Variants in WASHC3 observed in about 807,000 individuals in gnomAD.
WASHC3 encodes WASH complex subunit 3.
Under a neutral mutation model 26.1 loss-of-function variants are expected in WASHC3, and 24 were observed. That is an observed-to-expected ratio of 0.92 (90% CI 0.66 to 1.29). The LOEUF (loss-of-function observed/expected upper bound fraction) is 1.29, where lower values mean the gene tolerates loss of function less well. WASHC3 is among the 50% of genes most tolerant of loss of function. The pLI is 0.00. For missense variants in WASHC3, 214 were observed against 229.6 expected (o/e 0.93, Z 0.44); for synonymous variants, 77 against 75.7 (o/e 1.02, Z -0.09).
At chr12:102,048,091 A>G (rs562630874) in intron 2 of WASHC3, among the ~76,000 whole-genome samples, 11 of 152,330 alleles carry the variant, frequency 7.2e-5, no homozygotes, top group Admixed American at 2.0e-4. Context: ...CTAACAAATG[A>G]TCAATTCGTT....
chr12:102,024,059 G>A (rs1013791139), intron 6 of WASHC3, among the ~76,000 whole-genome samples: 3 of 152,072 alleles, frequency 2.0e-5, no homozygotes, highest in Non-Finnish European at 4.4e-5. Flanking sequence ...GTTCCACAGA[G>A]AGAAAGGAAA....
At chr12:102,025,934 G>T in intron 6 of WASHC3, 40 bp downstream of exon 6, 8 of 965,618 alleles carry the variant, frequency 8.3e-6, no homozygotes, top group Non-Finnish European at 1.3e-5. Context: ...CAAATTCAAT[G>T]TCCTGGCAAT....
chr12:102,054,609 T>C (rs1878520025), intron 2 of WASHC3, among the ~76,000 whole-genome samples: 1 of 152,128 alleles, frequency 6.6e-6, no homozygotes, highest in South Asian at 2.1e-4. Flanking sequence ...AGCAACAGAA[T>C]ACACATTCTT....
At chr12:102,040,288 T>A (rs778214007) in intron 4 of WASHC3, 1 of 162,404 alleles carries the variant, frequency 6.2e-6, no homozygotes, top group Non-Finnish European at 1.3e-5. Context: ...ATGAATTATA[T>A]ATAGGTGGTG....
At position 102,046,095 on chromosome 12, in the gene WASHC3, T is replaced by G; in HGVS notation, c.175A>C (p.Ile59Leu). The change falls in exon 3 of 7, where the codon ATC (isoleucine) becomes CTC (leucine). Residue 59 changes from isoleucine to leucine, a missense_variant. Ile to Leu is a conservative substitution (Grantham distance 5). Coordinates refer to ENST00000240079, the MANE Select transcript of WASHC3 (RefSeq NM_016053.4). Reference sequence around the variant, plus strand: ...TTGAGAGTTGTTTCAATTTGTTGGATACGAAGTGAAAGGTCTGCCAGTTTC... The same window carrying G: ...TTGAGAGTTGTTTCAATTTGTTGGAGACGAAGTGAAAGGTCTGCCAGTTTC... ...EEKLADLSLR[I>L]QQIETTLNIL... is the part of the protein sequence containing the mutation. 2 of 1,597,904 alleles carry G rather than the reference T, an allele frequency of 1.3e-6. No individual in the cohort carries two copies. The highest frequency in any genetic ancestry group is 1.7e-6 in the Non-Finnish European group (2 of 1,169,566).
chr12:102,019,458 T>G, intron 6 of WASHC3: 1 of 284,068 alleles, frequency 3.5e-6, no homozygotes, highest in Non-Finnish European at 7.0e-6. Context: ...CTTCTCCCAA[T>G]TCAAAGAAAA....
rs184783207 is a variant in WASHC3, at chr12:102,024,713, T to C, written c.500+1261A>G. Among the ~76,000 whole-genome samples, 19 of 152,310 alleles carry C rather than the reference T, an allele frequency of 1.2e-4. No homozygotes were observed. In the East Asian group the frequency reaches 3.5e-3, roughly 28 times the overall value. On this transcript the variant is annotated intron_variant, in intron 6 of 6. Transcript: ENST00000240079. ...CATTTTAAAGGTAATTTTAGCTCTC[T>C]GTTATTATAGGAGGTCTAACTGTGT...
chr12:102,044,908 T>C (rs10860833), intron 3 of WASHC3, among the ~76,000 whole-genome samples: 2 of 152,030 alleles, frequency 1.3e-5, no homozygotes, highest in Non-Finnish European at 2.9e-5. Flanking sequence ...CATCCTGATA[T>C]CAATGACACG....
Position 102,056,174 on chromosome 12 carries a change from T to C in WASHC3, c.150+5074A>G, listed in dbSNP as rs185140002. 1.5e-4 allele frequency among the ~76,000 whole-genome samples: 23 copies of C among 152,150 alleles called. No individual in the cohort carries two copies. In the East Asian group the frequency reaches 3.9e-3, roughly 25 times the overall value. ...TATTTTTACAGTCTACTCTTAAATA[T>C]TACTGTTGAGGCATATATATGGCAA... On this transcript the variant is annotated intron_variant, in intron 2 of 6. Coordinates refer to ENST00000240079, the MANE Select transcript of WASHC3 (RefSeq NM_016053.4).
intron 2 of WASHC3, among the ~76,000 whole-genome samples, chr12:102,060,143 A>G (rs1338645891): frequency 6.6e-6 from 1 of 152,228 alleles, no homozygotes; most frequent in Non-Finnish European, 1.5e-5. Flanking sequence ...TACATAAGAC[A>G]GAATGTTCAA....
chr12:102,018,896 A>G (rs975782937), intron 6 of WASHC3, among the ~76,000 whole-genome samples: 4 of 152,078 alleles, frequency 2.6e-5, no homozygotes, highest in African/African-American at 9.7e-5. Flanking sequence ...TCCCAGGTTC[A>G]AGCAATTCTC....
intron 5 of WASHC3, among the ~76,000 whole-genome samples, chr12:102,031,800 A>G (rs1362040967): frequency 6.6e-6 from 1 of 152,190 alleles, no homozygotes; most frequent in African/African-American, 2.4e-5. Context: ...TAGTTAAAAA[A>G]CAATGAAAAA....
chr12:102,030,377 A>G (rs185817285), intron 5 of WASHC3, among the ~76,000 whole-genome samples: 2 of 151,956 alleles, frequency 1.3e-5, no homozygotes, highest in East Asian at 1.9e-4. Flanking sequence ...CAGATTAAAT[A>G]TTATATATAA....
At chr12:102,021,314 G>A (rs1876947163) in intron 6 of WASHC3, among the ~76,000 whole-genome samples, 1 of 152,102 alleles carries the variant, frequency 6.6e-6, no homozygotes, top group Non-Finnish European at 1.5e-5. Flanking sequence ...CTGCAACCAG[G>A]AAAACAATTT....
chr12:102,028,122 A>G (rs117572802), intron 5 of WASHC3, among the ~76,000 whole-genome samples: 4,583 of 152,282 alleles, frequency 0.03, 87 homozygotes, highest in Middle Eastern at 0.071. Flanking sequence ...ATGTGAACAG[A>G]TTCAAGTTTG....
chr12:102,019,341 A>T, intron 6 of WASHC3: 1 of 364,750 alleles, frequency 2.7e-6, no homozygotes. Flanking sequence ...TTGGCTCTGC[A>T]TATTATGATC....
intron 6 of WASHC3, among the ~76,000 whole-genome samples, chr12:102,021,303 C>T (rs1004923871): frequency 6.6e-6 from 1 of 152,084 alleles, no homozygotes; most frequent in Non-Finnish European, 1.5e-5. Context: ...TAGGTAGACT[C>T]CTGCAACCAG....
chr12:102,041,368 C>T (rs773142159), intron 4 of WASHC3, among the ~76,000 whole-genome samples: 26 of 151,988 alleles, frequency 1.7e-4, no homozygotes, highest in Non-Finnish European at 1.5e-5. Flanking sequence ...TACACCTTTG[C>T]TATTTGAATG....
At chr12:102,053,779 A>G (rs1878484645) in intron 2 of WASHC3, among the ~76,000 whole-genome samples, 1 of 152,230 alleles carries the variant, frequency 6.6e-6, no homozygotes. Context: ...GAGCTGAAAA[A>G]AAAATGTATA....
Sources: allele counts gnomAD v4.1 joint callset (sites outside exome capture counted in the v4.1 genomes callset), GRCh38; gene constraint gnomAD v4.1.1; transcripts MANE v1.5; gene names NCBI Gene and HGNC (gene_info 2026-07-23, HGNC 2026-07-21).